FAM53B: variants seen among roughly 807,000 people sequenced by gnomAD.
The protein encoded by FAM53B is protein FAM53B.
A neutral mutation model predicts 32.7 loss-of-function variants in FAM53B; 12 were observed. The observed-to-expected ratio is 0.37, with a 90% CI of 0.24 to 0.59. The LOEUF (loss-of-function observed/expected upper bound fraction) is 0.59, where lower values mean the gene tolerates loss of function less well. Ranked by LOEUF, FAM53B falls within the 20% of genes least tolerant of loss-of-function variation. The probability of loss-of-function intolerance (pLI) is 0.72; values close to 1 mark genes in which losing one functional copy is unlikely to be tolerated. For synonymous variants in FAM53B, 234 were observed against 228.7 expected (o/e 1.02, Z -0.21); for missense variants, 477 against 577.7 (o/e 0.83, Z 1.79).
rs753693507 is a variant in FAM53B at position 124,681,839 on chromosome 10, A to T, written c.674T>A (p.Leu225Gln). 1.2e-6 allele frequency: 2 copies of T among 1,612,136 alleles called. No individual in the cohort carries two copies. The highest frequency in any genetic ancestry group is 3.3e-5 in the Admixed American group (2 of 59,780). The change falls in exon 4 of 5, where the codon CTG becomes CAG. Residue 225 changes from leucine (L) to glutamine (Q), a missense_variant. Physicochemically the swap from Leu to Gln is moderately radical, Grantham distance 113. Coordinates refer to ENST00000337318, the MANE Select transcript of FAM53B (RefSeq NM_014661.4). ...ATGTGAGCAAGAGAGGGACCGCTGC[A>T]GGTCCAGCCGGCCTCCTCCCACGGG... The part of the protein sequence containing the change: ...LHPVGGGRLD[L>Q]QRSLSCSHEQ...
intron 1 of FAM53B, among the ~76,000 whole-genome samples, chr10:124,712,997 G>GTTTCTAGGGATATTTTTGTAGTGCCCCCA (rs1950015033): frequency 6.6e-6 from 1 of 152,214 alleles, no homozygotes; most frequent in African/African-American, 2.4e-5. Context: ...CCAAAGCAAG[G>GTTTCTAGGGATATTTTTGTAGTGCCCCCA]CCTATGGGTG....
intron 1 of FAM53B, among the ~76,000 whole-genome samples, chr10:124,722,215 CGTTTGA>C (rs1003190688): frequency 2.0e-5 from 3 of 152,056 alleles, no homozygotes; most frequent in African/African-American, 7.2e-5. Context: ...AAATGATAAA[CGTTTGA>C]GATGTTGGAA....
At chr10:124,667,128 G>C (rs1949677574) in intron 4 of FAM53B, 1 of 476,286 alleles carries the variant, frequency 2.1e-6, no homozygotes, top group Non-Finnish European at 3.7e-6. Flanking sequence ...GCCAAACTGA[G>C]ACCTGCTGTC....
intron 2 of FAM53B, chr10:124,704,315 C>T (rs1949935410): frequency 6.6e-6 from 1 of 152,266 alleles, no homozygotes. Flanking sequence ...GGCTGGGCCC[C>T]GTGCATTCAA....
intron 3 of FAM53B, among the ~76,000 whole-genome samples, chr10:124,684,915 A>G (rs1217021052): frequency 2.0e-5 from 3 of 152,264 alleles, no homozygotes; most frequent in Non-Finnish European, 1.5e-5. Flanking sequence ...ATCCTAAGAA[A>G]AAAGTGAAGA....
chr10:124,656,672 G>A (rs1949591033), intron 4 of FAM53B, among the ~76,000 whole-genome samples: 1 of 152,200 alleles, frequency 6.6e-6, no homozygotes, highest in Admixed American at 6.5e-5. Context: ...GATCATAGGT[G>A]ATGTGCTGCC....
intron 4 of FAM53B, among the ~76,000 whole-genome samples, chr10:124,641,947 G>T (rs2134045042): frequency 6.6e-6 from 1 of 152,374 alleles, no homozygotes; most frequent in East Asian, 1.9e-4. Flanking sequence ...TGAGGAAACA[G>T]AGGCCTAGAG....
chr10:124,688,516 C>T (rs1303659551), intron 3 of FAM53B, among the ~76,000 whole-genome samples: 1 of 152,244 alleles, frequency 6.6e-6, no homozygotes, highest in Non-Finnish European at 1.5e-5. Flanking sequence ...CCAGTTCTCT[C>T]ACAGTCTTGG....
At chr10:124,722,663 A>G (rs1362110205) in intron 1 of FAM53B, among the ~76,000 whole-genome samples, 1 of 152,228 alleles carries the variant, frequency 6.6e-6, no homozygotes, top group African/African-American at 2.4e-5. Context: ...AATACTTTCT[A>G]AAATCAAAAA....
At chr10:124,728,025 TAA>T (rs1950117978) in intron 1 of FAM53B, among the ~76,000 whole-genome samples, 1 of 152,198 alleles carries the variant, frequency 6.6e-6, no homozygotes. Flanking sequence ...AACTCCAGTC[TAA>T]ATGATGCTGA....
intron 2 of FAM53B, among the ~76,000 whole-genome samples, chr10:124,699,562 C>G (rs74160950): frequency 4.6e-5 from 7 of 152,260 alleles, no homozygotes; most frequent in African/African-American, 1.4e-4. Flanking sequence ...TTCCCCACCC[C>G]GGGCAAGCCA....
At chr10:124,737,675 T>C (rs777314726) in intron 1 of FAM53B, among the ~76,000 whole-genome samples, 28 of 152,290 alleles carry the variant, frequency 1.8e-4, no homozygotes, top group Middle Eastern at 6.8e-3. Flanking sequence ...CCAAGCCCCC[T>C]GGCCATTCTA....
chr10:124,668,657 C>T (rs1308404721), intron 4 of FAM53B, among the ~76,000 whole-genome samples: 1 of 152,234 alleles, frequency 6.6e-6, no homozygotes, highest in Non-Finnish European at 1.5e-5. Context: ...GTCTCATCTT[C>T]CTAGGGAGGC....
chr10:124,625,743 A>G (rs1949343823), intron 4 of FAM53B, among the ~76,000 whole-genome samples: 1 of 152,200 alleles, frequency 6.6e-6, no homozygotes, highest in Non-Finnish European at 1.5e-5. Flanking sequence ...CCAGGACAGA[A>G]GGAGAACTGA....
chr10:124,631,802 T>C (rs1462686491), intron 4 of FAM53B, among the ~76,000 whole-genome samples: 1 of 152,064 alleles, frequency 6.6e-6, no homozygotes, highest in Admixed American at 6.5e-5. Flanking sequence ...CCTGTCTCCC[T>C]CTTCACTGGC....
chr10:124,731,710 T>C (rs997800330), intron 1 of FAM53B, among the ~76,000 whole-genome samples: 1 of 152,098 alleles, frequency 6.6e-6, no homozygotes, highest in African/African-American at 2.4e-5. Context: ...GGCGGCTCCC[T>C]TCTAGCGTGC....
chr10:124,623,902 G>A (rs2134033311), intron 4 of FAM53B: 3 of 396,998 alleles, frequency 7.6e-6, no homozygotes, highest in Non-Finnish European at 9.1e-6. Context: ...AAACAGGAAT[G>A]CTCCTAACAC....
intron 4 of FAM53B, among the ~76,000 whole-genome samples, chr10:124,672,674 T>C (rs1949713603): frequency 6.6e-6 from 1 of 152,176 alleles, no homozygotes; most frequent in South Asian, 2.1e-4. Context: ...GAGTTCAGAA[T>C]GCGCAGCCAC....
intron 1 of FAM53B, among the ~76,000 whole-genome samples, chr10:124,728,470 T>C (rs997382325): frequency 8.6e-5 from 13 of 151,944 alleles, no homozygotes; most frequent in Non-Finnish European, 2.9e-5. Flanking sequence ...AGAGTTTCCA[T>C]GCCAAATACT....
Sources: gnomAD v4.1 joint callset for allele counts (sites outside exome capture counted in the v4.1 genomes callset) on GRCh38, gnomAD v4.1.1 for gene constraint, MANE v1.5 for transcripts, NCBI Gene and HGNC (gene_info 2026-07-23, HGNC 2026-07-21) for gene names.